The following ARID5B variants were observed in gnomAD, a reference collection of about 807,000 sequenced individuals.
The protein encoded by ARID5B is AT-rich interaction domain 5B.
ARID5B carries 13 observed loss-of-function variants against 97.2 expected under a neutral mutation model. The observed-to-expected ratio is 0.13, with a 90% CI of 0.09 to 0.21. The LOEUF is 0.21. ARID5B is among the 10% of genes least tolerant of loss of function. ARID5B has a pLI of 1.00. For synonymous variants in ARID5B, 556 were observed against 570.3 expected (o/e 0.97, Z 0.36); for missense variants, 1,210 against 1,465.3 (o/e 0.83, Z 2.84).
At chr10:61,938,505 T>C (rs1054439791) in intron 2 of ARID5B, among the ~76,000 whole-genome samples, 1 of 152,228 alleles carries the variant, frequency 6.6e-6, no homozygotes, top group African/African-American at 2.4e-5. Flanking sequence ...AGCCTGACTT[T>C]ATTCTGACAT....
intron 4 of ARID5B, among the ~76,000 whole-genome samples, chr10:62,008,927 A>G (rs1041442167): frequency 2.0e-5 from 3 of 152,208 alleles, no homozygotes; most frequent in African/African-American, 7.2e-5. Context: ...ATTATTCTTT[A>G]ATGAAAAAAT....
chr10:62,082,476 C>T (rs144123495), intron 8 of ARID5B, among the ~76,000 whole-genome samples: 1 of 152,260 alleles, frequency 6.6e-6, no homozygotes, highest in East Asian at 1.9e-4. Flanking sequence ...GTAATGAATT[C>T]TTGGGGGCTG....
Position 62,093,228 on chromosome 10 carries a change from GGT to G in ARID5B, c.*200_*201del. On this transcript the variant is annotated 3_prime_UTR_variant, in exon 10 of 10. Transcript: ENST00000279873. The stretch of plus-strand genomic sequence containing the variant: ...ACTCTAGCCCACAAACTGACTGGCT[GGT>G]GAGTCTTGACTCCCTTCCAACACAG... 1.4e-6 allele frequency: 1 copy of G among 728,816 alleles called. No individual in the cohort carries two copies. The highest frequency in any genetic ancestry group is 2.1e-6 in the Non-Finnish European group (1 of 472,022). 45.1% of individuals were successfully genotyped at this position (728,816 alleles called of 1,614,324 possible).
In ARID5B at chr10:61,953,697, C is replaced by A. The variant is rs1282162672; in HGVS notation, c.502+13289C>A. ...TATGGCCTTAAAAGCTTTCACTCTG[C>A]TTTGATTGCTTATCTATAAATCAGC... On this transcript the variant is annotated intron_variant, in intron 3 of 9. Transcript: ENST00000279873. Among the ~76,000 whole-genome samples, 3 of 152,160 alleles carry A rather than the reference C, an allele frequency of 2.0e-5. No individual in the cohort carries two copies. The South Asian group carries it at 6.2e-4, about 32-fold the overall frequency.
intron 3 of ARID5B, among the ~76,000 whole-genome samples, chr10:61,985,873 C>A (rs1009238905): frequency 6.6e-6 from 1 of 151,944 alleles, no homozygotes; most frequent in Admixed American, 6.6e-5. Flanking sequence ...ATTGTGCTGG[C>A]GAGGTGTGTT....
intron 4 of ARID5B, among the ~76,000 whole-genome samples, chr10:62,036,112 A>G (rs1261850248): frequency 6.6e-6 from 1 of 152,178 alleles, no homozygotes; most frequent in East Asian, 1.9e-4. Flanking sequence ...GGCGCGAGCC[A>G]CTGCACCTGG....
intron 8 of ARID5B, among the ~76,000 whole-genome samples, chr10:62,078,068 G>A (rs577808555): frequency 6.6e-6 from 1 of 152,158 alleles, no homozygotes; most frequent in Non-Finnish European, 1.5e-5. Context: ...GAGAACTGTT[G>A]AACATTTCAG....
At chr10:62,040,201 GAC>G (rs1839617456) in intron 4 of ARID5B, among the ~76,000 whole-genome samples, 2 of 151,890 alleles carry the variant, frequency 1.3e-5, no homozygotes, top group African/African-American at 4.8e-5. Flanking sequence ...CATTTACTTT[GAC>G]ATCTTAGTTA....
In ARID5B at chr10:62,090,740, T is replaced by G. The variant is rs145213107; in HGVS notation, c.1399-122T>G. On this transcript the variant is annotated intron_variant, in intron 9 of 9. Coordinates refer to ENST00000279873, the MANE Select transcript of ARID5B (RefSeq NM_032199.3). ...GGGAGTAATAAAGCTTTACAGAAAC[T>G]TCACGAGCTGATTGACAAGCCTGTT... 5.3e-4 allele frequency: 666 copies of G among 1,268,358 alleles called. 6 individuals carry two copies. In the East Asian group the frequency reaches 0.015, roughly 28 times the overall value. The allele number at this position is 1,268,358 out of a possible 1,614,324, so 78.6% of individuals were successfully genotyped here. A position where few individuals can be genotyped will look rare whatever the true frequency, so the allele number is the denominator to read the frequency against.
chr10:61,919,113 G>C (rs1211684931), intron 2 of ARID5B, among the ~76,000 whole-genome samples: 1 of 133,482 alleles, frequency 7.5e-6, no homozygotes, highest in African/African-American at 2.9e-5. Context: ...AATTAACTGA[G>C]ATAGGAGTAG....
intron 3 of ARID5B, among the ~76,000 whole-genome samples, chr10:61,976,428 G>A (rs372454285): frequency 7.9e-5 from 12 of 152,152 alleles, no homozygotes; most frequent in African/African-American, 2.7e-4. Context: ...TCATAGACAC[G>A]TGGAAGCCTA....
intron 4 of ARID5B, among the ~76,000 whole-genome samples, chr10:62,023,789 A>C (rs898087806): frequency 3.9e-5 from 6 of 152,240 alleles, no homozygotes; most frequent in African/African-American, 1.2e-4. Context: ...TCAAGCCACA[A>C]ATATTTATTG....
chr10:62,019,895 C>T (rs181961568), intron 4 of ARID5B, among the ~76,000 whole-genome samples: 1 of 152,124 alleles, frequency 6.6e-6, no homozygotes, highest in African/African-American at 2.4e-5. Context: ...GGTTAATCGC[C>T]CAGGGCTGAG....
intron 7 of ARID5B, among the ~76,000 whole-genome samples, chr10:62,062,387 C>A (rs1468082337): frequency 1.3e-5 from 2 of 152,186 alleles, no homozygotes; most frequent in Admixed American, 6.5e-5. Flanking sequence ...GTTGTTTAGA[C>A]CCCCACCCCA....
At chr10:62,038,610 G>A (rs1839594710) in intron 4 of ARID5B, among the ~76,000 whole-genome samples, 1 of 152,128 alleles carries the variant, frequency 6.6e-6, no homozygotes, top group African/African-American at 2.4e-5. Flanking sequence ...ATTGCAGAAA[G>A]ACAAAGTTCT....
intron 2 of ARID5B, among the ~76,000 whole-genome samples, chr10:61,923,265 G>T (rs559159627): frequency 1.3e-5 from 2 of 152,134 alleles, no homozygotes; most frequent in East Asian, 3.9e-4. Context: ...CTCTTAACTT[G>T]GCTGCTTCCT....
Position 61,961,388 on chromosome 10 carries a change from C to T in ARID5B, c.502+20980C>T, listed in dbSNP as rs76183685. 3.9e-4 allele frequency among the ~76,000 whole-genome samples: 59 copies of T among 152,286 alleles called. No homozygotes were observed. The East Asian group carries it at 0.011, about 29-fold the overall frequency. ...TTAAGTCATTTCCTTTGAGGCTTTT[C>T]TCTTGGGCAACAGCCTAACCTAGGT... On this transcript the variant is annotated intron_variant, in intron 3 of 9. Coordinates refer to ENST00000279873, the MANE Select transcript of ARID5B (RefSeq NM_032199.3).
chr10:62,085,821 G>C lies in ARID5B; in HGVS notation c.1319G>C (p.Gly440Ala), dbSNP rs925557862. ...QENENKTKVS[G>A]TKRIKHEIPK... ...AATGAGAACAAAACAAAAGTATCTG[G>C]AACCAAACGCATCAAACATGAAATA... Residue 440 changes from glycine (G) to alanine (A), a missense_variant, in exon 9 of 10, where the codon GGA (glycine) becomes GCA (alanine). Gly to Ala is a moderately conservative substitution (Grantham distance 60). This residue lies in a region of ARID5B where 800 missense variants were observed against 839.1 expected (regional missense o/e 0.95). Transcript: ENST00000279873. 2 of 1,613,954 alleles carry C rather than the reference G, an allele frequency of 1.2e-6. No homozygotes were observed. The highest frequency in any genetic ancestry group is 2.7e-5 in the African/African-American group (2 of 74,900).
intron 2 of ARID5B, among the ~76,000 whole-genome samples, chr10:61,932,413 C>CTT (rs200321468): frequency 1.7e-4 from 23 of 135,502 alleles, no homozygotes; most frequent in African/African-American, 2.7e-4. Context: ...TTTTCTTTTT[C>CTT]TTTTTTTTTT....
Sources: allele counts gnomAD v4.1 joint callset (sites outside exome capture counted in the v4.1 genomes callset), GRCh38; gene constraint gnomAD v4.1.1; regional missense constraint gnomAD v4.1.1; transcripts MANE v1.5; gene names NCBI Gene and HGNC (gene_info 2026-07-23, HGNC 2026-07-21).